CWC27: variants seen among roughly 807,000 people sequenced by gnomAD.
The protein encoded by CWC27 is spliceosome-associated protein CWC27 homolog.
CWC27 carries 47 observed loss-of-function variants against 63.6 expected under a neutral mutation model. That is an observed-to-expected ratio of 0.74 (90% CI 0.58 to 0.94). CWC27 has a LOEUF of 0.94. Ranked by LOEUF, CWC27 falls within the 40% of genes least tolerant of loss-of-function variation. The pLI is 0.00. For missense variants in CWC27, 495 were observed against 554.3 expected, an observed-to-expected ratio of 0.89 and a Z score of 1.07; for synonymous variants, 175 against 179.8, an observed-to-expected ratio of 0.97 and a Z score of 0.22.
chr5:64,784,898 G>T (rs1255302852), intron 4 of CWC27, among the ~76,000 whole-genome samples: 1 of 152,126 alleles, frequency 6.6e-6, no homozygotes. Flanking sequence ...ATAAGAGTGT[G>T]TAATAAAATG....
At chr5:64,871,666 C>T (rs565281957) in intron 10 of CWC27, among the ~76,000 whole-genome samples, 4 of 152,104 alleles carry the variant, frequency 2.6e-5, no homozygotes, top group East Asian at 3.9e-4. Flanking sequence ...TCAAATTTCT[C>T]ATCACTTTAA....
chr5:64,805,495 T>A (rs1243662551), intron 10 of CWC27, among the ~76,000 whole-genome samples: 1 of 151,946 alleles, frequency 6.6e-6, no homozygotes, highest in Non-Finnish European at 1.5e-5. Flanking sequence ...ATGAATATAA[T>A]TATGGATACA....
At chr5:64,900,318 G>A (rs183770784) in intron 11 of CWC27, among the ~76,000 whole-genome samples, 32 of 152,226 alleles carry the variant, frequency 2.1e-4, no homozygotes, top group African/African-American at 7.2e-4. Context: ...TAATGATGTT[G>A]AGCATTGTTT....
chr5:64,864,541 A>C (rs1191921108), intron 10 of CWC27, among the ~76,000 whole-genome samples: 1 of 152,142 alleles, frequency 6.6e-6, no homozygotes, highest in Non-Finnish European at 1.5e-5. Flanking sequence ...ATATTTTCTA[A>C]TATCTTCCTT....
At position 64,782,216 on chromosome 5, in the gene CWC27, G is replaced by C. The variant is rs142190786; in HGVS notation, c.252+183G>C. Among the ~76,000 whole-genome samples, 767 of 152,172 alleles carry C rather than the reference G, an allele frequency of 5.0e-3. 10 individuals carry two copies. Among genetic ancestry groups the C allele is most frequent in the African/African-American group, 0.018 (740 of 41,522 alleles). On this transcript the variant is annotated intron_variant, in intron 3 of 13. Coordinates refer to ENST00000381070, the MANE Select transcript of CWC27 (RefSeq NM_005869.4). ...TAATTCCAGCACTTTGGGAAGCCGA[G>C]GGGGGCGGATCACTTGAGGTCGGGA...
At chr5:64,863,279 G>A (rs1322532476) in intron 10 of CWC27, among the ~76,000 whole-genome samples, 1 of 152,094 alleles carries the variant, frequency 6.6e-6, no homozygotes, top group Non-Finnish European at 1.5e-5. Flanking sequence ...CTTGGGATGG[G>A]TGATACTGTG....
intron 7 of CWC27, among the ~76,000 whole-genome samples, chr5:64,798,849 G>A (rs185553864): frequency 1.7e-3 from 261 of 152,168 alleles, no homozygotes; most frequent in African/African-American, 5.9e-3. Context: ...ATTTTTCAAA[G>A]CAGAAATTAT....
At chr5:64,784,725 A>G (rs1343007267) in intron 4 of CWC27, among the ~76,000 whole-genome samples, 1 of 152,226 alleles carries the variant, frequency 6.6e-6, no homozygotes, top group Admixed American at 6.5e-5. Context: ...ACTCTTGAAA[A>G]ACACTGAATG....
chr5:64,843,644 G>A (rs1325372040), intron 10 of CWC27, among the ~76,000 whole-genome samples: 3 of 152,028 alleles, frequency 2.0e-5, no homozygotes, highest in African/African-American at 7.2e-5. Flanking sequence ...TATAACAGAA[G>A]AGAAAAACCT....
At chr5:64,980,399 T>C (rs917400757) in intron 13 of CWC27, among the ~76,000 whole-genome samples, 10 of 152,214 alleles carry the variant, frequency 6.6e-5, no homozygotes, top group African/African-American at 2.4e-4. Context: ...TTTGGTTAGA[T>C]GAAGCTTGGT....
At chr5:64,919,130 T>C (rs879584017) in intron 11 of CWC27, among the ~76,000 whole-genome samples, 13 of 152,246 alleles carry the variant, frequency 8.5e-5, no homozygotes, top group Admixed American at 1.3e-4. Flanking sequence ...TCTCTAAAGA[T>C]ATAAATGCTT....
rs376143322 is a variant in CWC27, at chr5:64,956,563, G to A, written c.1043-15140G>A. Among the ~76,000 whole-genome samples, 14 of 152,132 alleles carry A rather than the reference G, an allele frequency of 9.2e-5. No homozygotes were observed. In the East Asian group the frequency reaches 2.3e-3, roughly 25 times the overall value. On this transcript the variant is annotated intron_variant, in intron 11 of 13. Transcript: ENST00000381070. ...AGCTTTCCCTCTCCCTTCTCTGCAT[G>A]AATTTCCTAAATATCAGAACCTCTC...
intron 10 of CWC27, among the ~76,000 whole-genome samples, chr5:64,849,889 C>T (rs1746091249): frequency 6.6e-6 from 1 of 152,030 alleles, no homozygotes; most frequent in African/African-American, 2.4e-5. Flanking sequence ...TGAGGCCTTC[C>T]CAGCCATCTG....
intron 7 of CWC27, among the ~76,000 whole-genome samples, chr5:64,796,441 A>G (rs1490810319): frequency 2.6e-5 from 4 of 152,220 alleles, no homozygotes; most frequent in South Asian, 4.1e-4. Flanking sequence ...TTTCTTTGTG[A>G]CAGTCTTGAG....
chr5:64,969,759 G>C (rs1432228010), intron 11 of CWC27, among the ~76,000 whole-genome samples: 1 of 151,836 alleles, frequency 6.6e-6, no homozygotes, highest in Non-Finnish European at 1.5e-5. Flanking sequence ...AGTGTGATAA[G>C]TGCTAAAGGG....
chr5:64,825,697 G>C (rs961381144), intron 10 of CWC27, among the ~76,000 whole-genome samples: 1 of 152,118 alleles, frequency 6.6e-6, no homozygotes, highest in Non-Finnish European at 1.5e-5. Context: ...TGCTTTGTCT[G>C]CATCTCACCA....
chr5:64,926,114 T>C (rs1748104744), intron 11 of CWC27, among the ~76,000 whole-genome samples: 1 of 152,188 alleles, frequency 6.6e-6, no homozygotes, highest in Non-Finnish European at 1.5e-5. Flanking sequence ...CCCAGTGAAC[T>C]TTCTTTGCTA....
At position 64,793,244 on chromosome 5, in the gene CWC27, C is replaced by A. The variant is rs535742505; in HGVS notation, c.669+4224C>A. Among the ~76,000 whole-genome samples, 8 of 152,194 alleles carry A rather than the reference C, an allele frequency of 5.3e-5. No individual in the cohort carries two copies. In the East Asian group the frequency reaches 1.5e-3, roughly 29 times the overall value. ...GCAGCCCAGCCTCATTATTACCCAC[C>A]AACAACCCATTCTTCACATGCGATT... On this transcript the variant is annotated intron_variant, in intron 7 of 13. Coordinates refer to ENST00000381070, the MANE Select transcript of CWC27 (RefSeq NM_005869.4).
intron 11 of CWC27, among the ~76,000 whole-genome samples, chr5:64,942,538 A>T (rs1192297739): frequency 6.6e-6 from 1 of 151,824 alleles, no homozygotes; most frequent in Non-Finnish European, 1.5e-5. Context: ...TGTATAATAT[A>T]TTTAAGGCAA....
Sources: gnomAD v4.1 joint callset for allele counts (sites outside exome capture counted in the v4.1 genomes callset) on GRCh38, gnomAD v4.1.1 for gene constraint, MANE v1.5 for transcripts, NCBI Gene and HGNC (gene_info 2026-07-23, HGNC 2026-07-21) for gene names.